Variants in CTIF observed in about 807,000 individuals in gnomAD.
CTIF encodes cap binding complex dependent translation initiation factor, also known as CBP80/20-dependent translation initiation factor.
CTIF carries 21 observed loss-of-function variants against 66.0 expected under a neutral mutation model. That is an observed-to-expected ratio of 0.32 (90% confidence interval 0.23 to 0.46). The LOEUF (loss-of-function observed/expected upper bound fraction) is 0.46. Among genes scored for constraint, CTIF ranks in the 20% least tolerant of loss-of-function variants. The pLI is 1.00. For synonymous variants in CTIF, 345 were observed against 326.4 expected (o/e 1.06, Z -0.62); for missense variants, 739 against 812.7 (o/e 0.91, Z 1.10).
intron 1 of CTIF, among the ~76,000 whole-genome samples, chr18:48,573,323 T>C (rs895029398): frequency 1.3e-5 from 2 of 152,172 alleles, no homozygotes; most frequent in African/African-American, 4.8e-5. Context: ...CTGTGTTTCA[T>C]GACCTCCCCC....
At chr18:48,679,857 G>A (rs1448646484) in intron 6 of CTIF, among the ~76,000 whole-genome samples, 2 of 152,196 alleles carry the variant, frequency 1.3e-5, no homozygotes, top group Non-Finnish European at 2.9e-5. Context: ...TGGGCCTTGG[G>A]GGGTGGCCTG....
chr18:48,576,932 C>T (rs536689336), intron 1 of CTIF, among the ~76,000 whole-genome samples: 134 of 152,332 alleles, frequency 8.8e-4, no homozygotes, highest in African/African-American at 2.6e-3. Context: ...TTGAGAGCTG[C>T]TTATGTGGAA....
chr18:48,704,611 C>T (rs1049318380), intron 6 of CTIF, among the ~76,000 whole-genome samples: 2 of 152,204 alleles, frequency 1.3e-5, no homozygotes, highest in East Asian at 3.9e-4. Context: ...GAAGGACCAT[C>T]GCTCCCTTCC....
At chr18:48,680,374 C>T (rs1598856803) in intron 6 of CTIF, among the ~76,000 whole-genome samples, 1 of 152,220 alleles carries the variant, frequency 6.6e-6, no homozygotes, top group South Asian at 2.1e-4. Context: ...CAAAGAAGGC[C>T]AGATTGAGGA....
At chr18:48,681,275 T>A (rs2091737143) in intron 6 of CTIF, among the ~76,000 whole-genome samples, 1 of 152,208 alleles carries the variant, frequency 6.6e-6, no homozygotes, top group Non-Finnish European at 1.5e-5. Flanking sequence ...ACAGTGTGTG[T>A]GACACCGTCA....
intron 10 of CTIF, among the ~76,000 whole-genome samples, chr18:48,837,422 C>T (rs776611053): frequency 3.9e-5 from 6 of 151,900 alleles, no homozygotes; most frequent in Non-Finnish European, 7.4e-5. Flanking sequence ...GCTGCAGGAA[C>T]TCAGAGGAGG....
At chr18:48,711,840 CT>C in intron 7 of CTIF, 145 bp downstream of exon 7, 1 of 687,698 alleles carries the variant, frequency 1.5e-6, no homozygotes, top group Admixed American at 2.2e-5. Flanking sequence ...GGGTTGGTTA[CT>C]GGCTGGGGAT....
chr18:48,769,222 G>A (rs1043466424), intron 9 of CTIF, among the ~76,000 whole-genome samples: 2 of 152,248 alleles, frequency 1.3e-5, no homozygotes, highest in African/African-American at 4.8e-5. Context: ...CCCAAGCCAG[G>A]CACACCCAGG....
At chr18:48,713,569 C>G (rs1598912478) in intron 7 of CTIF, among the ~76,000 whole-genome samples, 1 of 152,074 alleles carries the variant, frequency 6.6e-6, no homozygotes, top group African/African-American at 2.4e-5. Context: ...CAGCACACCT[C>G]CCAAAGGATG....
chr18:48,542,958 G>T (rs905638124), intron 1 of CTIF, among the ~76,000 whole-genome samples: 1 of 152,226 alleles, frequency 6.6e-6, no homozygotes, highest in South Asian at 2.1e-4. Flanking sequence ...CCCCAGCTCA[G>T]ATGTGCTGTG....
At chr18:48,790,783 A>C (rs552969641) in intron 9 of CTIF, among the ~76,000 whole-genome samples, 1 of 152,326 alleles carries the variant, frequency 6.6e-6, no homozygotes, top group Admixed American at 6.5e-5. Context: ...GGGCGCCTGC[A>C]GTCGCCACCC....
At chr18:48,797,985 C>T (rs1211678698) in intron 9 of CTIF, among the ~76,000 whole-genome samples, 2 of 152,182 alleles carry the variant, frequency 1.3e-5, no homozygotes, top group Admixed American at 6.5e-5. Context: ...GCTCCTCTGA[C>T]CACAGTCAGA....
intron 2 of CTIF, chr18:48,621,756 C>G (rs1262868133): frequency 8.1e-6 from 2 of 247,674 alleles, no homozygotes; most frequent in Non-Finnish European, 1.6e-5. Context: ...AGGAGATGGC[C>G]TGGAGACTAG....
chr18:48,774,727 G>A (rs1255354951), intron 9 of CTIF, among the ~76,000 whole-genome samples: 1 of 152,138 alleles, frequency 6.6e-6, no homozygotes, highest in East Asian at 1.9e-4. Context: ...GAGGGCTTGG[G>A]AGCCAGCACG....
intron 3 of CTIF, among the ~76,000 whole-genome samples, chr18:48,658,278 G>A (rs1036716913): frequency 2.6e-5 from 4 of 152,016 alleles, no homozygotes; most frequent in Non-Finnish European, 4.4e-5. Flanking sequence ...GTATGTATAT[G>A]TGTGTGGTCT....
At chr18:48,668,019 G>A (rs926402770) in intron 5 of CTIF, among the ~76,000 whole-genome samples, 6 of 152,242 alleles carry the variant, frequency 3.9e-5, no homozygotes, top group African/African-American at 1.4e-4. Context: ...AGAGAAGGCT[G>A]TTGCCTTGGA....
chr18:48,669,114 C>T (rs769443947), intron 5 of CTIF, among the ~76,000 whole-genome samples: 9 of 152,094 alleles, frequency 5.9e-5, no homozygotes, highest in African/African-American at 1.9e-4. Flanking sequence ...AGTGGTGCTC[C>T]GGCACCCAGC....
In CTIF at chr18:48,731,481, G is replaced by A. The variant is rs1237228895; in HGVS notation, c.584+19786G>A. Among the ~76,000 whole-genome samples the A allele has an allele frequency of 4.6e-5, 7 of 152,270 alleles. No individual in the cohort carries two copies. In the East Asian group the frequency reaches 7.7e-4, roughly 17 times the overall value. On this transcript the variant is annotated intron_variant, in intron 7 of 11. Coordinates refer to ENST00000256413, the MANE Select transcript of CTIF (RefSeq NM_014772.3). ...ACCCTCTATGCCTGAGTGGAACTCC[G>A]TTAACCCTCTCATTCCTGGAGAACT...
intron 2 of CTIF, among the ~76,000 whole-genome samples, chr18:48,632,035 G>A (rs374010828): frequency 3.3e-5 from 5 of 152,186 alleles, no homozygotes; most frequent in Non-Finnish European, 7.3e-5. Flanking sequence ...GAAGGCAAAC[G>A]GGAGGCAGGA....
Sources: allele counts gnomAD v4.1 joint callset (sites outside exome capture counted in the v4.1 genomes callset), GRCh38; gene constraint gnomAD v4.1.1; transcripts MANE v1.5; gene names NCBI Gene and HGNC (gene_info 2026-07-23, HGNC 2026-07-21).